The following CPS1 variants were observed in gnomAD, a reference collection of about 807,000 sequenced individuals.
CPS1 encodes carbamoyl-phosphate synthase 1, also known as carbamoyl-phosphate synthase [ammonia], mitochondrial.
In CPS1, 109 loss-of-function variants were observed where a neutral mutation model predicts 174.6. The ratio of observed to expected loss-of-function variants is 0.62; its 90% CI spans 0.53 to 0.73. The LOEUF (loss-of-function observed/expected upper bound fraction) is 0.73, where lower values mean the gene tolerates loss of function less well. Ranked by LOEUF, CPS1 falls within the 30% of genes least tolerant of loss-of-function variation. The probability of loss-of-function intolerance (pLI) is 0.00; values close to 1 mark genes in which losing one functional copy is unlikely to be tolerated. For synonymous variants in CPS1, 637 were observed against 632.0 expected (o/e 1.01, Z -0.12); for missense variants, 1,689 against 1,821.9 (o/e 0.93, Z 1.33).
At chr2:210,505,812 A>G (rs1695265046) in intron 1 of CPS1, among the ~76,000 whole-genome samples, 1 of 152,224 alleles carries the variant, frequency 6.6e-6, no homozygotes, top group African/African-American at 2.4e-5. Context: ...GTCTGAGATC[A>G]AACTGCAAGG....
intron 25 of CPS1, among the ~76,000 whole-genome samples, chr2:210,643,254 G>A (rs994271602): frequency 6.6e-6 from 1 of 152,072 alleles, no homozygotes; most frequent in African/African-American, 2.4e-5. Context: ...ATATTACTGA[G>A]TATCTTCACT....
rs1472425366 is a variant in CPS1 at position 210,608,418 on chromosome 2, T to C, written c.2250T>C (p.Ile750=). 1 of 1,612,526 alleles carries C rather than the reference T, an allele frequency of 6.2e-7. No homozygotes were observed. The highest frequency in any genetic ancestry group is 2.2e-5 in the East Asian group (1 of 44,810). ...CCCTAGGAATCCCACTTCCAGAAAT[T>C]AAGAACGTCGTATCCGGGAAGACAT... ...KIALGIPLPE[I]KNVVSGKTSA... Residue 750 remains isoleucine, a synonymous_variant, in exon 19 of 38, where the codon ATT becomes ATC. Transcript: ENST00000233072.
intron 1 of CPS1, among the ~76,000 whole-genome samples, chr2:210,485,247 A>T (rs1186661031): frequency 2.1e-5 from 2 of 96,718 alleles, no homozygotes; most frequent in Admixed American, 2.1e-4. Flanking sequence ...AAAAAAAAAT[A>T]AAATAAAAAT....
Position 210,656,691 on chromosome 2 carries a change from A to C in CPS1, c.3666+59A>C, listed in dbSNP as rs1553517846. The stretch of plus-strand genomic sequence containing the variant: ...GGCAACACTCAGAAAAAAACACCTA[A>C]GGTTTTTTTTTTTTTTTTAAAGCTA... On this transcript the variant is annotated intron_variant, in intron 30 of 37. Transcript: ENST00000233072. 5.5e-5 allele frequency: 65 copies of C among 1,171,544 alleles called. No homozygotes were observed. In the South Asian group the frequency reaches 6.3e-4, roughly 11 times the overall value. 72.6% of individuals were successfully genotyped at this position (1,171,544 alleles called of 1,614,324 possible).
chr2:210,540,039 C>T (rs930494222), intron 1 of CPS1, among the ~76,000 whole-genome samples: 1 of 152,138 alleles, frequency 6.6e-6, no homozygotes, highest in Non-Finnish European at 1.5e-5. Context: ...GCTGATGTGA[C>T]GTCTGTGTTT....
chr2:210,524,977 A>G (rs529038316), intron 1 of CPS1, among the ~76,000 whole-genome samples: 1 of 151,982 alleles, frequency 6.6e-6, no homozygotes, highest in Non-Finnish European at 1.5e-5. Context: ...ATTAATTCCA[A>G]TTCAATTCTC....
intron 21 of CPS1, among the ~76,000 whole-genome samples, chr2:210,634,111 T>G (rs552403727): frequency 6.6e-6 from 1 of 152,168 alleles, no homozygotes; most frequent in South Asian, 2.1e-4. Flanking sequence ...AAACATACCT[T>G]TCTAAAACAA....
chr2:210,489,859 G>A (rs1333423130), intron 1 of CPS1, among the ~76,000 whole-genome samples: 8 of 152,042 alleles, frequency 5.3e-5, no homozygotes, highest in East Asian at 3.9e-4. Flanking sequence ...TTAGCCGGGC[G>A]TGGTGGCGGA....
upstream of CPS1, among the ~76,000 whole-genome samples, chr2:210,552,563 A>T (rs914205350): frequency 1.3e-5 from 2 of 152,022 alleles, no homozygotes; most frequent in Non-Finnish European, 2.9e-5. Context: ...CAAAGGAATT[A>T]CTAACACCCT....
chr2:210,567,066 G>A (rs892180691), intron 1 of CPS1, among the ~76,000 whole-genome samples: 2 of 152,016 alleles, frequency 1.3e-5, no homozygotes. Context: ...TGTTTTAATA[G>A]GTTATCAGTA....
chr2:210,576,020 T>G (rs2106078729), intron 2 of CPS1, among the ~76,000 whole-genome samples: 1 of 152,148 alleles, frequency 6.6e-6, no homozygotes, highest in African/African-American at 2.4e-5. Context: ...ATCTGCAAAC[T>G]TTAAATAGAG....
chr2:210,668,755 C>T (rs1701191588), intron 34 of CPS1, among the ~76,000 whole-genome samples: 1 of 152,098 alleles, frequency 6.6e-6, no homozygotes. Flanking sequence ...TAGCTACCAC[C>T]TGTAAATTTA....
At chr2:210,585,397 A>G (rs1001418140) in intron 6 of CPS1, among the ~76,000 whole-genome samples, 18 of 152,036 alleles carry the variant, frequency 1.2e-4, no homozygotes, top group African/African-American at 4.3e-4. Context: ...AGTCTTATTA[A>G]TAAAAAATAG....
chr2:210,559,338 T>G (rs1697024066), intron 1 of CPS1, among the ~76,000 whole-genome samples: 1 of 152,054 alleles, frequency 6.6e-6, no homozygotes, highest in Non-Finnish European at 1.5e-5. Context: ...TTTCGACATA[T>G]TTAGAGGTTT....
chr2:210,511,832 A>G (rs1457531737), intron 1 of CPS1, among the ~76,000 whole-genome samples: 1 of 152,116 alleles, frequency 6.6e-6, no homozygotes, highest in African/African-American at 2.4e-5. Flanking sequence ...TTGCAGGCAT[A>G]TATACCTTGT....
rs1700782454 is a variant in CPS1 at position 210,658,156 on chromosome 2, A to C, written c.3667-443A>C. On this transcript the variant is annotated intron_variant, in intron 30 of 37. Transcript: ENST00000233072. ...ACCTTGTAGAGTCCAGGGCAACAGA[A>C]AAGCAACACAAAAGAAATCTCTCTG... The C allele has an allele frequency of 1.3e-5, 3 of 229,552 alleles. No homozygotes were observed. In the South Asian group the frequency reaches 1.9e-4, roughly 14 times the overall value. The allele number at this position is 229,552 out of a possible 1,614,324, so 14.2% of individuals were successfully genotyped here.
intron 1 of CPS1, among the ~76,000 whole-genome samples, chr2:210,494,073 GTAGGCTTTACTTC>G (rs1694931842): frequency 6.6e-6 from 1 of 152,142 alleles, no homozygotes; most frequent in African/African-American, 2.4e-5. Context: ...GAGTATCGAG[GTAGGCTTTACTTC>G]TAGTCTTCAA....
chr2:210,606,656 C>G, intron 17 of CPS1, 75 bp from the exon 18 acceptor site: 2 of 1,325,762 alleles, frequency 1.5e-6, no homozygotes, highest in Non-Finnish European at 2.2e-6. Flanking sequence ...TTGCATCGTG[C>G]AAGTAGATGG....
At position 210,647,742 on chromosome 2, in the gene CPS1, G is replaced by A; in HGVS notation, c.3142-121G>A. The stretch of plus-strand genomic sequence containing the variant: ...CATTTAACAGTATTCATTGGTAGGA[G>A]AGATGTAAATATCACAGTCAGGTTA... On this transcript the variant is annotated intron_variant, in intron 25 of 37. Coordinates refer to ENST00000233072, the MANE Select transcript of CPS1 (RefSeq NM_001875.5). The A allele has an allele frequency of 4.0e-6, 5 of 1,236,682 alleles. No homozygotes were observed. In the South Asian group the frequency reaches 5.0e-5, roughly 12 times the overall value. 76.6% of individuals were successfully genotyped at this position (1,236,682 alleles called of 1,614,324 possible).
Sources: allele counts gnomAD v4.1 joint callset (sites outside exome capture counted in the v4.1 genomes callset), GRCh38; gene constraint gnomAD v4.1.1; transcripts MANE v1.5; gene names NCBI Gene and HGNC (gene_info 2026-07-23, HGNC 2026-07-21).